Variants in EXT2 observed in about 807,000 individuals in gnomAD.
EXT2 encodes exostosin-2.
EXT2 carries 53 observed loss-of-function variants against 81.6 expected under a neutral mutation model. The ratio of observed to expected loss-of-function variants is 0.65; its 90% CI spans 0.52 to 0.82. EXT2 has a LOEUF of 0.82. EXT2 is among the 40% of genes least tolerant of loss of function. The pLI is 0.00. For synonymous variants in EXT2, 320 were observed against 340.0 expected (o/e 0.94, Z 0.65); for missense variants, 774 against 910.2 (o/e 0.85, Z 1.93).
chr11:44,225,666 G>T (rs968806098), intron 10 of EXT2, among the ~76,000 whole-genome samples: 1 of 152,180 alleles, frequency 6.6e-6, no homozygotes, highest in South Asian at 2.1e-4. Flanking sequence ...GGACAATAAG[G>T]TGCTTTTTAG....
rs142197776 is a variant in EXT2 at position 44,184,296 on chromosome 11, G to A, written c.1305+12554G>A. 1.6e-3 allele frequency among the ~76,000 whole-genome samples: 244 copies of A among 152,238 alleles called. 1 individual carries two copies. The highest frequency in any genetic ancestry group is 5.7e-3 in the African/African-American group (237 of 41,540). ...TTTTTTCATGTATCATGATATTTACGCTGGGAAGCCTTGTTTTCCCATGTT... is the reference window on the plus strand; with the variant it reads ...TTTTTTCATGTATCATGATATTTACACTGGGAAGCCTTGTTTTCCCATGTT... On this transcript the variant is annotated intron_variant, in intron 8 of 13. Coordinates refer to ENST00000533608, the MANE Select transcript of EXT2 (RefSeq NM_207122.2).
chr11:44,127,544 C>T (rs1019386953), intron 6 of EXT2, among the ~76,000 whole-genome samples: 7 of 152,212 alleles, frequency 4.6e-5, no homozygotes, highest in South Asian at 2.1e-4. Flanking sequence ...CATCCCCAAA[C>T]GATTCCCTGC....
intron 7 of EXT2, among the ~76,000 whole-genome samples, chr11:44,170,810 TCACACACACACACACACACACACACA>T (rs58131996): frequency 0.012 from 1,732 of 145,658 alleles, 32 homozygotes; most frequent in African/African-American, 0.04. Context: ...ACGTTCACAT[TCACACACACACACACACACACACACA>T]CACACACACA....
chr11:44,181,342 C>G (rs952766602), intron 8 of EXT2, among the ~76,000 whole-genome samples: 3 of 151,990 alleles, frequency 2.0e-5, no homozygotes, highest in African/African-American at 7.3e-5. Context: ...GATGATACGC[C>G]CTGACGTGGG....
chr11:44,111,989 A>G (rs1289888675), intron 3 of EXT2, among the ~76,000 whole-genome samples: 3 of 152,220 alleles, frequency 2.0e-5, no homozygotes, highest in Non-Finnish European at 4.4e-5. Context: ...ATTGTTTTAC[A>G]GTTTGTTTGA....
At chr11:44,162,575 CA>C (rs746211630) in intron 7 of EXT2, among the ~76,000 whole-genome samples, 2,381 of 45,912 alleles carry the variant, frequency 0.052, 10 homozygotes, top group South Asian at 0.13. Context: ...GACTCCATCT[CA>C]AAAAAAAAAA....
intron 10 of EXT2, among the ~76,000 whole-genome samples, chr11:44,215,134 TTC>T (rs1286039073): frequency 6.6e-6 from 1 of 152,224 alleles, no homozygotes; most frequent in African/African-American, 2.4e-5. Flanking sequence ...CTTGATTAAT[TTC>T]TTTCTCTCCT....
chr11:44,179,182 GA>G (rs1955200019), intron 8 of EXT2, among the ~76,000 whole-genome samples: 1 of 152,138 alleles, frequency 6.6e-6, no homozygotes, highest in Non-Finnish European at 1.5e-5. Flanking sequence ...GATAGATAAA[GA>G]ATATGAAAAG....
At chr11:44,196,581 T>C (rs1055419052) in intron 8 of EXT2, among the ~76,000 whole-genome samples, 5 of 152,168 alleles carry the variant, frequency 3.3e-5, no homozygotes, top group African/African-American at 9.6e-5. Context: ...AATCCTGACC[T>C]TTTTTCCCCC....
At chr11:44,213,669 C>A (rs896073927) in intron 10 of EXT2, among the ~76,000 whole-genome samples, 3 of 152,142 alleles carry the variant, frequency 2.0e-5, no homozygotes, top group African/African-American at 7.2e-5. Flanking sequence ...AATAGGAATT[C>A]TCCAGTGTGA....
chr11:44,171,860 G>GC, intron 8 of EXT2, 118 bp downstream of exon 8: 1 of 1,504,070 alleles, frequency 6.6e-7, no homozygotes, highest in Non-Finnish European at 9.1e-7. Context: ...AGATGAGAGT[G>GC]TGCTTTTTAT....
intron 8 of EXT2, among the ~76,000 whole-genome samples, chr11:44,174,101 G>A (rs879714407): frequency 6.6e-6 from 1 of 152,182 alleles, no homozygotes; most frequent in Non-Finnish European, 1.5e-5. Flanking sequence ...CTGGGTACTT[G>A]AACTTTTGCT....
At chr11:44,162,575 CAAAAAA>C (rs746211630) in intron 7 of EXT2, among the ~76,000 whole-genome samples, 1 of 45,878 alleles carries the variant, frequency 2.2e-5, no homozygotes. Flanking sequence ...GACTCCATCT[CAAAAAA>C]AAAAAAAAAA....
rs1954267851 is a variant in EXT2 at position 44,119,127 on chromosome 11, TATATATATA to T, written c.743+4827_743+4835del. On this transcript the variant is annotated intron_variant, in intron 4 of 13. Coordinates refer to ENST00000533608, the MANE Select transcript of EXT2 (RefSeq NM_207122.2). ...CCCCCAGGGGACATTTGGCTATTTA[TATATATATA>T]TATATATATATATATATATATATAT... Among the ~76,000 whole-genome samples, 117 of 28,800 alleles carry T rather than the reference TATATATATA, an allele frequency of 4.1e-3. 5 individuals carry two copies. The highest frequency in any genetic ancestry group is 0.012 in the African/African-American group (85 of 7,044). 18.9% of individuals were successfully genotyped at this position (28,800 alleles called of 152,430 possible).
At position 44,220,552 on chromosome 11, in the gene EXT2, C is replaced by T. The variant is rs970241327; in HGVS notation, c.1663-11801C>T. On this transcript the variant is annotated intron_variant, in intron 10 of 13. Coordinates refer to ENST00000533608, the MANE Select transcript of EXT2 (RefSeq NM_207122.2). This position sits in a 1 kb window ranked among gnomAD's most constrained non-coding sequence, Gnocchi z 4.4. ...TCCCACCTGTCAGGTACAGTTAGAGCTTCCCAAAAGAGACAAATGGAAGAC... is the reference window on the plus strand; with the variant it reads ...TCCCACCTGTCAGGTACAGTTAGAGTTTCCCAAAAGAGACAAATGGAAGAC... 6.6e-6 allele frequency among the ~76,000 whole-genome samples: 1 copy of T among 152,194 alleles called. No homozygotes were observed. The highest frequency in any genetic ancestry group is 2.4e-5 in the African/African-American group (1 of 41,440).
chr11:44,196,666 A>G (rs1955459422), intron 8 of EXT2, among the ~76,000 whole-genome samples: 3 of 152,154 alleles, frequency 2.0e-5, no homozygotes, highest in Admixed American at 2.0e-4. Flanking sequence ...AATGTTGAAG[A>G]GTTGTTTCTG....
chr11:44,213,528 CAG>C (rs1197120628), intron 10 of EXT2, among the ~76,000 whole-genome samples: 2 of 152,046 alleles, frequency 1.3e-5, no homozygotes, highest in African/African-American at 4.8e-5. Context: ...AGTAAAAAGA[CAG>C]AAGATATAAA....
intron 10 of EXT2, among the ~76,000 whole-genome samples, chr11:44,230,086 G>A (rs1955881312): frequency 6.6e-6 from 1 of 152,218 alleles, no homozygotes; most frequent in Admixed American, 6.5e-5. Flanking sequence ...TGCGGGTGCT[G>A]TTTGCTTCAG....
At chr11:44,099,173 T>G (rs1287942664) in intron 1 of EXT2, among the ~76,000 whole-genome samples, 1 of 151,842 alleles carries the variant, frequency 6.6e-6, no homozygotes. Flanking sequence ...GGCTAATTTT[T>G]GGGTTTTTTT....
Sources: gnomAD v4.1 joint callset for allele counts (sites outside exome capture counted in the v4.1 genomes callset) on GRCh38, gnomAD v4.1.1 for gene constraint, Gnocchi (gnomAD v3.1) non-coding constraint, MANE v1.5 for transcripts, NCBI Gene and HGNC (gene_info 2026-07-23, HGNC 2026-07-21) for gene names.